SPAG16: variants seen among roughly 807,000 people sequenced by gnomAD.
SPAG16 encodes the protein sperm associated antigen 16.
In SPAG16, 86 loss-of-function variants were observed where a neutral mutation model predicts 80.4. That is an observed-to-expected ratio of 1.07 (90% CI 0.90 to 1.28). SPAG16 has a LOEUF of 1.28. SPAG16 is among the 50% of genes most tolerant of loss of function. The pLI, the probability that SPAG16 is intolerant of heterozygous loss-of-function variation, is 0.00. For missense variants in SPAG16, 870 were observed against 765.3 expected, an observed-to-expected ratio of 1.14 and a Z score of -1.61; for synonymous variants, 294 against 265.9, an observed-to-expected ratio of 1.11 and a Z score of -1.03.
At position 214,266,006 on chromosome 2, in the gene SPAG16, A is replaced by T. The variant is rs577945427; in HGVS notation, c.1720+116740A>T. 5.3e-5 allele frequency among the ~76,000 whole-genome samples: 8 copies of T among 151,942 alleles called. No homozygotes were observed. The South Asian group carries it at 1.2e-3, about 24-fold the overall frequency. ...CTCTATAAGTCCTACGTGAGCTGAG[A>T]CTCAGTTTGTTTTGTTTACTGCTCT... On this transcript the variant is annotated intron_variant, in intron 15 of 15. Coordinates refer to ENST00000331683, the MANE Select transcript of SPAG16 (RefSeq NM_024532.5).
At chr2:213,286,086 T>G (rs1267870538) in intron 1 of SPAG16, among the ~76,000 whole-genome samples, 1 of 152,234 alleles carries the variant, frequency 6.6e-6, no homozygotes, top group Non-Finnish European at 1.5e-5. Flanking sequence ...AAATCAGGTT[T>G]ACTTAATGTG....
intron 15 of SPAG16, among the ~76,000 whole-genome samples, chr2:214,316,675 T>G (rs1695719138): frequency 1.3e-5 from 2 of 152,182 alleles, no homozygotes; most frequent in African/African-American, 4.8e-5. Flanking sequence ...TCCAAATTTG[T>G]AGATCCTCAA....
At chr2:213,575,433 T>A (rs1157987342) in intron 10 of SPAG16, among the ~76,000 whole-genome samples, 1 of 152,130 alleles carries the variant, frequency 6.6e-6, no homozygotes, top group Admixed American at 6.5e-5. Flanking sequence ...TTTTCTTGAC[T>A]TTTTTATTCA....
chr2:213,360,861 G>A (rs894058533), intron 7 of SPAG16, among the ~76,000 whole-genome samples: 9 of 152,088 alleles, frequency 5.9e-5, no homozygotes, highest in Non-Finnish European at 8.8e-5. Flanking sequence ...ATGCAGTTAC[G>A]CTTTGAGAAT....
At chr2:213,948,359 A>G (rs1367005812) in intron 12 of SPAG16, among the ~76,000 whole-genome samples, 1 of 152,222 alleles carries the variant, frequency 6.6e-6, no homozygotes, top group Non-Finnish European at 1.5e-5. Flanking sequence ...GGAAGTGTGT[A>G]ACAAATCCCA....
At chr2:213,873,968 C>T (rs2076046946) in intron 11 of SPAG16, among the ~76,000 whole-genome samples, 2 of 152,078 alleles carry the variant, frequency 1.3e-5, no homozygotes, top group Admixed American at 1.3e-4. Flanking sequence ...TCCTATATAA[C>T]AAACTTATAT....
intron 10 of SPAG16, among the ~76,000 whole-genome samples, chr2:213,650,165 C>G (rs2062970702): frequency 1.3e-5 from 2 of 152,062 alleles, no homozygotes; most frequent in Non-Finnish European, 2.9e-5. Context: ...TCTTTTGTAG[C>G]CTACCCTAAT....
intron 15 of SPAG16, among the ~76,000 whole-genome samples, chr2:214,197,161 T>C (rs1471054312): frequency 6.6e-6 from 1 of 152,026 alleles, no homozygotes; most frequent in Non-Finnish European, 1.5e-5. Context: ...ATGAATGTTA[T>C]GAAAATAATG....
chr2:214,341,377 A>C lies in SPAG16; in HGVS notation c.1721-68763A>C, dbSNP rs575918578. ...ATAAAAGAAAATTCCTCACAATTGA[A>C]ATACCCAAGCCTTTAGATTCAAAGA... On this transcript the variant is annotated intron_variant, in intron 15 of 15. Coordinates refer to ENST00000331683, the MANE Select transcript of SPAG16 (RefSeq NM_024532.5). Among the ~76,000 whole-genome samples the C allele has an allele frequency of 1.5e-3, 227 of 152,194 alleles. 1 individual carries two copies. Among genetic ancestry groups the C allele is most frequent in the Admixed American group, 3.6e-3 (55 of 15,286 alleles).
intron 4 of SPAG16, among the ~76,000 whole-genome samples, chr2:213,311,152 AAAAC>A (rs1426169245): frequency 2.0e-5 from 3 of 151,788 alleles, no homozygotes; most frequent in East Asian, 1.9e-4. Context: ...CAGTCTAAGA[AAAAC>A]AAAGTTCAGT....
intron 9 of SPAG16, among the ~76,000 whole-genome samples, chr2:213,385,123 C>T (rs927761915): frequency 2.6e-5 from 4 of 152,140 alleles, no homozygotes; most frequent in Admixed American, 1.3e-4. Context: ...TCCTAGTGGA[C>T]GTATTCTCTG....
At chr2:214,368,592 A>C (rs1699627075) in intron 15 of SPAG16, among the ~76,000 whole-genome samples, 1 of 152,034 alleles carries the variant, frequency 6.6e-6, no homozygotes, top group Non-Finnish European at 1.5e-5. Context: ...ATCTCACCTC[A>C]ATCAACAACC....
At chr2:214,179,200 C>T (rs2057229672) in intron 15 of SPAG16, among the ~76,000 whole-genome samples, 1 of 151,368 alleles carries the variant, frequency 6.6e-6, no homozygotes. Context: ...AAAGCTGGAC[C>T]TGTGATCTAA....
chr2:214,052,190 G>C (rs759841878), intron 13 of SPAG16, among the ~76,000 whole-genome samples: 11 of 152,136 alleles, frequency 7.2e-5, no homozygotes, highest in African/African-American at 2.7e-4. Context: ...AGCTTCTTAC[G>C]ATAGAAGCAT....
chr2:213,909,721 T>C, intron 11 of SPAG16, among the ~76,000 whole-genome samples: 1 of 152,168 alleles, frequency 6.6e-6, no homozygotes, highest in Non-Finnish European at 1.5e-5. Context: ...TATACAAAAA[T>C]TAATTCAAGA....
chr2:213,962,325 T>C lies in SPAG16; in HGVS notation c.1400+32180T>C, dbSNP rs1316456195. Among the ~76,000 whole-genome samples the C allele has an allele frequency of 4.6e-5, 6 of 130,548 alleles. No homozygotes were observed. In the East Asian group the frequency reaches 1.4e-3, roughly 31 times the overall value. 85.6% of individuals were successfully genotyped at this position (130,548 alleles called of 152,430 possible). A position where few individuals can be genotyped will look rare whatever the true frequency, so the allele number is the denominator to read the frequency against. ...CTCCTGCCTCAGCCTCCTGAGTAGC[T>C]GGGACTACAGGCGCCCGCCACCAAG... On this transcript the variant is annotated intron_variant, in intron 12 of 15. Coordinates refer to ENST00000331683, the MANE Select transcript of SPAG16 (RefSeq NM_024532.5).
chr2:214,383,820 T>G (rs1006783577), intron 15 of SPAG16, among the ~76,000 whole-genome samples: 2 of 152,138 alleles, frequency 1.3e-5, no homozygotes, highest in Non-Finnish European at 2.9e-5. Flanking sequence ...AAATTTAGAT[T>G]TCTTAAAACT....
chr2:213,646,674 A>G lies in SPAG16; in HGVS notation c.1070+156584A>G, dbSNP rs2062834977. ...TCTTTTATATATCATTTCTTTAAACATAAGTTGATACCAATGCTTTGGAAA... is the reference window on the plus strand; with the variant it reads ...TCTTTTATATATCATTTCTTTAAACGTAAGTTGATACCAATGCTTTGGAAA... On this transcript the variant is annotated intron_variant, in intron 10 of 15. Transcript: ENST00000331683. Among the ~76,000 whole-genome samples the G allele has an allele frequency of 5.9e-5, 9 of 152,250 alleles. No homozygotes were observed. In the South Asian group the frequency reaches 1.9e-3, roughly 31 times the overall value.
intron 9 of SPAG16, among the ~76,000 whole-genome samples, chr2:213,483,004 AAGTT>A (rs1484682437): frequency 2.6e-5 from 4 of 152,188 alleles, no homozygotes; most frequent in African/African-American, 7.2e-5. Flanking sequence ...AAAGCATATG[AAGTT>A]AGTTGCTATT....
Sources: allele counts gnomAD v4.1 joint callset (sites outside exome capture counted in the v4.1 genomes callset), GRCh38; gene constraint gnomAD v4.1.1; transcripts MANE v1.5; gene names NCBI Gene and HGNC (gene_info 2026-07-23, HGNC 2026-07-21).